The following DNAH8 variants were observed in gnomAD, a reference collection of about 807,000 sequenced individuals.
The protein encoded by DNAH8 is axonemal beta dynein heavy chain 8.
In DNAH8, 382 loss-of-function variants were observed where a neutral mutation model predicts 562.1. That is an observed-to-expected ratio of 0.68 (90% CI 0.63 to 0.74). The LOEUF (loss-of-function observed/expected upper bound fraction) is 0.74, where lower values mean the gene tolerates loss of function less well. Among genes scored for constraint, DNAH8 ranks in the 30% least tolerant of loss-of-function variants. DNAH8 has a pLI of 0.00. For synonymous variants in DNAH8, 1,881 were observed against 1,919.4 expected (o/e 0.98, Z 0.52); for missense variants, 5,203 against 5,620.4 (o/e 0.93, Z 2.37).
At chr6:38,774,981 A>G (rs1767924055) in intron 12 of DNAH8, among the ~76,000 whole-genome samples, 1 of 152,190 alleles carries the variant, frequency 6.6e-6, no homozygotes, top group Non-Finnish European at 1.5e-5. Context: ...AGGGATTCAT[A>G]TGAATTCTGC....
chr6:38,805,160 C>T (rs1169016673), intron 22 of DNAH8, among the ~76,000 whole-genome samples: 2 of 152,126 alleles, frequency 1.3e-5, no homozygotes, highest in African/African-American at 4.8e-5. Flanking sequence ...AATATTATTT[C>T]AGTCAAGTTG....
intron 33 of DNAH8, among the ~76,000 whole-genome samples, chr6:38,841,230 C>A (rs533885412): frequency 1.3e-5 from 2 of 152,070 alleles, no homozygotes; most frequent in African/African-American, 2.4e-5. Flanking sequence ...ACCAGCCTAG[C>A]TAACATGATG....
At chr6:38,844,922 A>G (rs1286094492) in intron 35 of DNAH8, among the ~76,000 whole-genome samples, 1 of 152,162 alleles carries the variant, frequency 6.6e-6, no homozygotes, top group Non-Finnish European at 1.5e-5. Context: ...CATTTATTAC[A>G]CAGTAATTTG....
intron 16 of DNAH8, 95 bp downstream of exon 16, chr6:38,781,468 C>T: frequency 1.5e-6 from 2 of 1,370,594 alleles, no homozygotes; most frequent in Non-Finnish European, 2.0e-6. Flanking sequence ...TTAAAGTAGC[C>T]AACAACGAGC....
At chr6:38,888,514 A>AT in intron 57 of DNAH8, among the ~76,000 whole-genome samples, 1 of 152,350 alleles carries the variant, frequency 6.6e-6, no homozygotes. Flanking sequence ...TATTCTGAAT[A>AT]TTTAGAGAAA....
chr6:38,851,627 G>T lies in DNAH8; in HGVS notation c.5419G>T (p.Val1807Phe), dbSNP rs1180178086. 6.2e-7 allele frequency: 1 copy of T among 1,612,164 alleles called. No individual in the cohort carries two copies. Among genetic ancestry groups the T allele is most frequent in the Admixed American group, 1.7e-5 (1 of 59,650 alleles). The part of the protein sequence containing the change: ...FPRFFFVSDP[V>F]LLEILGQASD... The stretch of plus-strand genomic sequence containing the variant: ...AAGATTCTTCTTTGTATCTGATCCA[G>T]TTCTCCTGGAAATTCTTGGACAAGC... Residue 1807 changes from valine to phenylalanine, a missense_variant, in exon 39 of 93, where the codon GTT (valine) becomes TTT (phenylalanine). Coordinates refer to ENST00000327475, the MANE Select transcript of DNAH8 (RefSeq NM_001206927.2).
At chr6:38,840,083 C>A (rs139547769) in intron 33 of DNAH8, among the ~76,000 whole-genome samples, 1 of 152,210 alleles carries the variant, frequency 6.6e-6, no homozygotes, top group Non-Finnish European at 1.5e-5. Context: ...CTGAATGAGA[C>A]TAACTCCTCA....
intron 88 of DNAH8, among the ~76,000 whole-genome samples, chr6:38,996,130 A>T (rs1765116023): frequency 6.6e-6 from 1 of 152,034 alleles, no homozygotes; most frequent in Non-Finnish European, 1.5e-5. Flanking sequence ...TTGTTGCAAA[A>T]TGCAAAAGGC....
intron 82 of DNAH8, among the ~76,000 whole-genome samples, chr6:38,965,728 T>TA (rs1762926621): frequency 6.6e-6 from 1 of 152,186 alleles, no homozygotes; most frequent in Admixed American, 6.5e-5. Context: ...GAGTCCCCCT[T>TA]ATGATATCTT....
chr6:38,916,386 G>A (rs1781316054), intron 68 of DNAH8, among the ~76,000 whole-genome samples: 1 of 152,040 alleles, frequency 6.6e-6, no homozygotes. Context: ...GTTCTTCTTC[G>A]AGGCCTTCCT....
chr6:38,957,349 C>T (rs1401558452), intron 82 of DNAH8, among the ~76,000 whole-genome samples: 1 of 149,330 alleles, frequency 6.7e-6, no homozygotes, highest in Non-Finnish European at 1.5e-5. Context: ...TATTAATAGA[C>T]CTAAAAGGAT....
At position 38,779,950 on chromosome 6, in the gene DNAH8, C is replaced by G; in HGVS notation, c.2040-16C>G. The G allele has an allele frequency of 6.2e-7, 1 of 1,607,424 alleles. No homozygotes were observed. Among genetic ancestry groups the G allele is most frequent in the Non-Finnish European group, 8.5e-7 (1 of 1,174,360 alleles). ...TCTCATTTACTTTTTAACCATTCAG[C>G]TTTGATTACTTTTAGGTTTCAGAAG... On this transcript the variant is annotated splice_polypyrimidine_tract_variant and intron_variant, in intron 14 of 92. Transcript: ENST00000327475.
chr6:38,990,469 C>T (rs756520205), intron 88 of DNAH8, among the ~76,000 whole-genome samples: 12 of 152,270 alleles, frequency 7.9e-5, no homozygotes, highest in African/African-American at 1.7e-4. Flanking sequence ...CAGTGCTCTC[C>T]GCCGGCAGAA....
chr6:38,887,587 G>A (rs1779031419), intron 57 of DNAH8, among the ~76,000 whole-genome samples: 1 of 152,050 alleles, frequency 6.6e-6, no homozygotes, highest in Non-Finnish European at 1.5e-5. Context: ...CACGTCTGTA[G>A]TCCTAGCTGC....
intron 11 of DNAH8, among the ~76,000 whole-genome samples, chr6:38,765,270 T>C (rs1368434112): frequency 6.6e-6 from 1 of 152,256 alleles, no homozygotes; most frequent in Non-Finnish European, 1.5e-5. Flanking sequence ...AGGTTGTCTC[T>C]TCACTCTGTT....
chr6:38,862,300 A>G lies in DNAH8; in HGVS notation c.6152A>G (p.Gln2051Arg). Residue 2051 changes from glutamine to arginine, a missense_variant, in exon 44 of 93, where the codon CAG becomes CGG. Coordinates refer to ENST00000327475, the MANE Select transcript of DNAH8 (RefSeq NM_001206927.2). The part of the protein sequence containing the change: ...LTDRCYITLA[Q>R]ALGMNMGGAP... Reference sequence around the variant, plus strand: ...TGCAGATGCTATATCACGTTAGCTCAGGCCTTGGGCATGAACATGGGAGGT... The same window carrying G: ...TGCAGATGCTATATCACGTTAGCTCGGGCCTTGGGCATGAACATGGGAGGT... 3 of 1,613,678 alleles carry G rather than the reference A, an allele frequency of 1.9e-6. No homozygotes were observed. The highest frequency in any genetic ancestry group is 2.5e-6 in the Non-Finnish European group (3 of 1,179,862).
At chr6:38,817,311 A>G (rs1772376019) in intron 26 of DNAH8, among the ~76,000 whole-genome samples, 1 of 152,168 alleles carries the variant, frequency 6.6e-6, no homozygotes, top group Admixed American at 6.5e-5. Flanking sequence ...CCACTGCACT[A>G]CAGCCAGAGC....
intron 88 of DNAH8, among the ~76,000 whole-genome samples, chr6:39,004,601 A>G (rs1765687525): frequency 6.6e-6 from 1 of 152,230 alleles, no homozygotes; most frequent in Non-Finnish European, 1.5e-5. Flanking sequence ...CAAGTGGACA[A>G]TAAATGATTT....
intron 26 of DNAH8, among the ~76,000 whole-genome samples, chr6:38,820,310 A>G (rs1342142925): frequency 6.6e-6 from 1 of 152,188 alleles, no homozygotes; most frequent in Non-Finnish European, 1.5e-5. Flanking sequence ...TGGATTTACA[A>G]ATCAGTGGAG....
Sources: gnomAD v4.1 joint callset for allele counts (sites outside exome capture counted in the v4.1 genomes callset) on GRCh38, gnomAD v4.1.1 for gene constraint, MANE v1.5 for transcripts, NCBI Gene and HGNC (gene_info 2026-07-23, HGNC 2026-07-21) for gene names.